The following KCTD8 variants were observed in gnomAD, a reference collection of about 807,000 sequenced individuals.
The protein encoded by KCTD8 is potassium channel tetramerization domain containing 8, also known as BTB/POZ domain-containing protein KCTD8.
In KCTD8, 27 loss-of-function variants were observed where a neutral mutation model predicts 31.5. The observed-to-expected ratio is 0.86, with a 90% CI of 0.63 to 1.18. The LOEUF (loss-of-function observed/expected upper bound fraction) is 1.18. KCTD8 is among the 50% of genes most tolerant of loss of function. The pLI, the probability that KCTD8 is intolerant of heterozygous loss-of-function variation, is 0.00. For missense variants in KCTD8, 658 were observed against 647.7 expected (o/e 1.02, Z -0.17); for synonymous variants, 290 against 280.0 (o/e 1.04, Z -0.36).
At position 44,293,428 on chromosome 4, in the gene KCTD8, T is replaced by C. The variant is rs1442120895; in HGVS notation, c.962-118178A>G. Reference sequence around the variant, plus strand: ...CCTGCTGCCAAGCATCTGGCCCTGGTTCTGCATCTTGATTCATGCTTGATC... The same window carrying C: ...CCTGCTGCCAAGCATCTGGCCCTGGCTCTGCATCTTGATTCATGCTTGATC... On this transcript the variant is annotated intron_variant, in intron 1 of 1. Coordinates refer to ENST00000360029, the MANE Select transcript of KCTD8 (RefSeq NM_198353.3). The C allele has an allele frequency of 1.1e-5, 5 of 455,874 alleles. No homozygotes were observed. The Admixed American group carries it at 1.2e-4, about 11-fold the overall frequency. 28.2% of individuals were successfully genotyped at this position (455,874 alleles called of 1,614,324 possible). A position where few individuals can be genotyped will look rare whatever the true frequency, so the allele number is the denominator to read the frequency against.
In KCTD8 at chr4:44,386,498, T is replaced by C. The variant is rs187230340; in HGVS notation, c.961+61065A>G. On this transcript the variant is annotated intron_variant, in intron 1 of 1. Coordinates refer to ENST00000360029, the MANE Select transcript of KCTD8 (RefSeq NM_198353.3). ...AATGGAAAACAGGTATATGAAAAGG[T>C]AGTCAATATTAATGATCATCAGAGA... Among the ~76,000 whole-genome samples the C allele has an allele frequency of 2.0e-5, 3 of 151,652 alleles. No individual in the cohort carries two copies. The East Asian group carries it at 5.8e-4, about 29-fold the overall frequency.
intron 1 of KCTD8, among the ~76,000 whole-genome samples, chr4:44,289,759 G>A (rs1717214826): frequency 6.6e-6 from 1 of 152,078 alleles, no homozygotes. Context: ...CATGGAGCCT[G>A]GGGGATTTTG....
At chr4:44,339,562 A>T (rs2703832) in intron 1 of KCTD8, among the ~76,000 whole-genome samples, 66,503 of 151,974 alleles carry the variant, frequency 0.44, 14,787 homozygotes, top group Middle Eastern at 0.59. Flanking sequence ...TGACACCATG[A>T]AAATGAGTAG....
intron 1 of KCTD8, among the ~76,000 whole-genome samples, chr4:44,283,494 G>A (rs1039423295): frequency 6.6e-6 from 1 of 152,112 alleles, no homozygotes; most frequent in Non-Finnish European, 1.5e-5. Flanking sequence ...ATGATTTTAA[G>A]TTAAAGCCAA....
At chr4:44,175,384 T>C in intron 1 of KCTD8, 134 bp from the exon 2 acceptor site, 1 of 551,856 alleles carries the variant, frequency 1.8e-6, no homozygotes. Flanking sequence ...CATATTGTAC[T>C]AGTCTAGGTT....
chr4:44,298,612 C>G lies in KCTD8; in HGVS notation c.962-123362G>C, dbSNP rs1252835022. On this transcript the variant is annotated intron_variant, in intron 1 of 1. Coordinates refer to ENST00000360029, the MANE Select transcript of KCTD8 (RefSeq NM_198353.3). The stretch of plus-strand genomic sequence containing the variant: ...AAGAAATAGCTCCCTGGAGAAGGTC[C>G]CTAAAACTTGCTTCCTTACAGTCTC... Among the ~76,000 whole-genome samples the G allele has an allele frequency of 2.0e-5, 3 of 152,098 alleles. No individual in the cohort carries two copies. In the East Asian group the frequency reaches 5.8e-4, roughly 29 times the overall value.
chr4:44,288,094 C>T (rs1365032908), intron 1 of KCTD8, among the ~76,000 whole-genome samples: 2 of 152,022 alleles, frequency 1.3e-5, no homozygotes, highest in African/African-American at 4.8e-5. Flanking sequence ...TCTTAGTGCC[C>T]TTAGTATCTT....
chr4:44,175,305 A>C lies in KCTD8; in HGVS notation c.962-55T>G, dbSNP rs565867512. ...GTAGAACAGTTGAATAAGAAGTGTG[A>C]AGGTAAAATTAAATGAACTCTATAT... On this transcript the variant is annotated intron_variant, in intron 1 of 1. Transcript: ENST00000360029. The C allele has an allele frequency of 5.3e-5, 58 of 1,084,546 alleles. 2 individuals are homozygous for C. In the South Asian group the frequency reaches 8.7e-4, roughly 16 times the overall value. The allele number at this position is 1,084,546 out of a possible 1,614,324, so 67.2% of individuals were successfully genotyped here.
intron 1 of KCTD8, among the ~76,000 whole-genome samples, chr4:44,415,374 C>G (rs1721050317): frequency 6.6e-6 from 1 of 152,126 alleles, no homozygotes; most frequent in Admixed American, 6.6e-5. Context: ...AGAATCCAAG[C>G]AGGCTGCAGA....
At chr4:44,417,639 G>A (rs1005377460) in intron 1 of KCTD8, among the ~76,000 whole-genome samples, 1 of 7,358 alleles carries the variant, frequency 1.4e-4, no homozygotes, top group Non-Finnish European at 4.5e-4. Context: ...TATGCTGTTT[G>A]CCTGTTTAAT....
At chr4:44,411,025 T>A (rs1163450385) in intron 1 of KCTD8, among the ~76,000 whole-genome samples, 2 of 152,166 alleles carry the variant, frequency 1.3e-5, no homozygotes, top group Non-Finnish European at 2.9e-5. Flanking sequence ...GAGTTCTCAG[T>A]GACTTTAACA....
At chr4:44,416,135 C>T (rs1448848298) in intron 1 of KCTD8, among the ~76,000 whole-genome samples, 1 of 152,202 alleles carries the variant, frequency 6.6e-6, no homozygotes. Flanking sequence ...TATTTTCGAG[C>T]TATAAGATTT....
intron 1 of KCTD8, among the ~76,000 whole-genome samples, chr4:44,444,244 C>T (rs1312356664): frequency 1.3e-5 from 2 of 152,148 alleles, no homozygotes; most frequent in Non-Finnish European, 2.9e-5. Flanking sequence ...AGTCCTAGTG[C>T]TAAAACACTT....
intron 1 of KCTD8, among the ~76,000 whole-genome samples, chr4:44,425,179 C>T (rs1721314640): frequency 1.3e-5 from 2 of 151,958 alleles, no homozygotes; most frequent in African/African-American, 4.8e-5. Context: ...GTCTGTGGTA[C>T]TTTGTTAAGG....
At chr4:44,387,643 G>A (rs1242927484) in intron 1 of KCTD8, among the ~76,000 whole-genome samples, 1 of 151,924 alleles carries the variant, frequency 6.6e-6, no homozygotes, top group Non-Finnish European at 1.5e-5. Flanking sequence ...TTTAATAAAT[G>A]GTGCTGAGAT....
chr4:44,240,043 A>G lies in KCTD8; in HGVS notation c.962-64793T>C, dbSNP rs534996861. Among the ~76,000 whole-genome samples the G allele has an allele frequency of 3.3e-5, 5 of 152,334 alleles. No homozygotes were observed. The East Asian group carries it at 9.6e-4, about 29-fold the overall frequency. ...CCTAATACTGACTCCTGCAGGAATC[A>G]TTACAATTTTGCATAATGTCATTTA... On this transcript the variant is annotated intron_variant, in intron 1 of 1. Transcript: ENST00000360029.
intron 1 of KCTD8, among the ~76,000 whole-genome samples, chr4:44,324,209 T>C (rs1718385080): frequency 1.3e-5 from 2 of 151,980 alleles, no homozygotes; most frequent in Non-Finnish European, 2.9e-5. Context: ...ACTTTAGGGA[T>C]GGTTTTTCCA....
intron 1 of KCTD8, among the ~76,000 whole-genome samples, chr4:44,394,687 A>G (rs1214350226): frequency 6.6e-5 from 10 of 152,230 alleles, no homozygotes; most frequent in African/African-American, 2.4e-5. Context: ...GCTATAAGAC[A>G]GGTGAAGCAT....
intron 1 of KCTD8, among the ~76,000 whole-genome samples, chr4:44,267,885 A>G (rs1323091756): frequency 6.6e-6 from 1 of 152,186 alleles, no homozygotes; most frequent in African/African-American, 2.4e-5. Flanking sequence ...AGGCTCTTAA[A>G]TTGTGGCAAT....
Sources: allele counts gnomAD v4.1 joint callset (sites outside exome capture counted in the v4.1 genomes callset), GRCh38; gene constraint gnomAD v4.1.1; transcripts MANE v1.5; gene names NCBI Gene and HGNC (gene_info 2026-07-23, HGNC 2026-07-21).